The following DAB1 variants were observed in gnomAD, a reference collection of about 807,000 sequenced individuals.
DAB1 encodes disabled homolog 1.
In DAB1, 15 loss-of-function variants were observed where a neutral mutation model predicts 64.6. The ratio of observed to expected loss-of-function variants is 0.23; its 90% CI spans 0.16 to 0.36. The LOEUF (loss-of-function observed/expected upper bound fraction) is 0.36, where lower values mean the gene tolerates loss of function less well. DAB1 is among the 10% of genes least tolerant of loss of function. DAB1 has a pLI of 1.00. For missense variants in DAB1, 596 were observed against 706.7 expected, an observed-to-expected ratio of 0.84 and a Z score of 1.78; for synonymous variants, 235 against 251.9, an observed-to-expected ratio of 0.93 and a Z score of 0.64.
At chr1:57,222,155 A>G (rs1231483301) in intron 2 of DAB1, among the ~76,000 whole-genome samples, 1 of 152,186 alleles carries the variant, frequency 6.6e-6, no homozygotes, top group African/African-American at 2.4e-5. Flanking sequence ...GTCGAGAGGT[A>G]AAGAAACTTG....
Position 57,135,391 on chromosome 1 carries a change from A to G in DAB1, c.306+1152T>C, listed in dbSNP as rs139315146. 1.8e-3 allele frequency among the ~76,000 whole-genome samples: 269 copies of G among 152,324 alleles called. 1 individual carries two copies. Among genetic ancestry groups the G allele is most frequent in the Middle Eastern group, 0.01 (3 of 294 alleles). ...TTGTGCCTGGCTTAATTCACTCAGC[A>G]TAATGTCTTCAAGGCTCATACACAT... On this transcript the variant is annotated intron_variant, in intron 4 of 14. Coordinates refer to ENST00000371236, the MANE Select transcript of DAB1 (RefSeq NM_001365792.1).
At chr1:56,999,151 A>G (rs1275617439) in intron 14 of DAB1, among the ~76,000 whole-genome samples, 1 of 152,216 alleles carries the variant, frequency 6.6e-6, no homozygotes, top group Non-Finnish European at 1.5e-5. Context: ...TTCAAAATGA[A>G]TTGGCATTCT....
At chr1:57,615,117 G>A (rs981331053) in intron 7 of DAB1, among the ~76,000 whole-genome samples, 3 of 151,894 alleles carry the variant, frequency 2.0e-5, no homozygotes, top group Non-Finnish European at 2.9e-5. Context: ...TGATCCACCC[G>A]CCTCGGCCTC....
At chr1:58,061,765 A>G (rs1235269201) in intron 5 of DAB1, among the ~76,000 whole-genome samples, 2 of 141,742 alleles carry the variant, frequency 1.4e-5, no homozygotes, top group Non-Finnish European at 3.0e-5. Context: ...ATAAAGCTTT[A>G]GTATCCCCAT....
At chr1:57,659,579 T>G (rs986101754) in intron 6 of DAB1, among the ~76,000 whole-genome samples, 1 of 152,120 alleles carries the variant, frequency 6.6e-6, no homozygotes, top group African/African-American at 2.4e-5. Context: ...TTCCTCCCCT[T>G]CCCTGACCAG....
intron 3 of DAB1, chr1:58,481,110 A>G (rs748885045): frequency 1.1e-6 from 1 of 871,972 alleles, no homozygotes; most frequent in Non-Finnish European, 2.0e-6. Context: ...GCTGAGTTTG[A>G]ATAGTAATCG....
At chr1:57,831,509 A>G (rs1028835173) in intron 1 of DAB1, among the ~76,000 whole-genome samples, 3 of 151,058 alleles carry the variant, frequency 2.0e-5, no homozygotes, top group Non-Finnish European at 4.4e-5. Context: ...AGTTATATTA[A>G]CTAAATAATA....
chr1:57,668,669 C>T (rs943904717), intron 6 of DAB1, among the ~76,000 whole-genome samples: 12 of 152,036 alleles, frequency 7.9e-5, no homozygotes, highest in African/African-American at 2.9e-4. Flanking sequence ...TATAACATTG[C>T]CTCTTAACAA....
chr1:57,983,013 T>C (rs1198297854), intron 5 of DAB1, among the ~76,000 whole-genome samples: 1 of 152,228 alleles, frequency 6.6e-6, no homozygotes, highest in Admixed American at 6.5e-5. Flanking sequence ...ATTGTGGAGC[T>C]GGGTTGCAGC....
intron 3 of DAB1, among the ~76,000 whole-genome samples, chr1:58,362,851 T>C (rs1248702753): frequency 6.6e-6 from 1 of 152,208 alleles, no homozygotes; most frequent in African/African-American, 2.4e-5. Flanking sequence ...AACTACAATG[T>C]CTTAGCCAGC....
At chr1:58,021,477 C>T (rs1458346843) in intron 5 of DAB1, among the ~76,000 whole-genome samples, 1 of 152,084 alleles carries the variant, frequency 6.6e-6, no homozygotes, top group Non-Finnish European at 1.5e-5. Flanking sequence ...GGATAGAGCT[C>T]CAGATATTCC....
intron 3 of DAB1, among the ~76,000 whole-genome samples, chr1:58,392,222 A>C (rs1289162370): frequency 6.6e-6 from 1 of 152,176 alleles, no homozygotes; most frequent in East Asian, 1.9e-4. Flanking sequence ...TTTTACTACA[A>C]AAACCAAAAC....
intron 5 of DAB1, among the ~76,000 whole-genome samples, chr1:57,934,644 T>G (rs761594429): frequency 1.3e-4 from 20 of 152,148 alleles, no homozygotes; most frequent in Admixed American, 2.0e-4. Context: ...GAATTTTTCA[T>G]AGATAAAGCA....
intron 2 of DAB1, among the ~76,000 whole-genome samples, chr1:57,170,847 A>G (rs1569719919): frequency 6.6e-6 from 1 of 152,056 alleles, no homozygotes; most frequent in Non-Finnish European, 1.5e-5. Context: ...CTGCGTGGAG[A>G]TCACCCACAG....
intron 5 of DAB1, among the ~76,000 whole-genome samples, chr1:58,127,801 T>A (rs1452451692): frequency 6.6e-6 from 1 of 151,484 alleles, no homozygotes; most frequent in Non-Finnish European, 1.5e-5. Context: ...AGGGCTCTGT[T>A]CTGTTCCATT....
chr1:58,527,398 C>T, intron 1 of DAB1: 1 of 811,064 alleles, frequency 1.2e-6, no homozygotes, highest in Non-Finnish European at 2.2e-6. Flanking sequence ...AGGAGTAACA[C>T]AGAGAGATTT....
intron 4 of DAB1, among the ~76,000 whole-genome samples, chr1:57,091,243 T>C (rs932209611): frequency 1.1e-4 from 16 of 152,148 alleles, no homozygotes; most frequent in Admixed American, 9.8e-4. Context: ...TTCTAAAATA[T>C]TGATAAATTG....
At chr1:57,801,868 G>C (rs6656625) in intron 6 of DAB1, among the ~76,000 whole-genome samples, 22,268 of 152,038 alleles carry the variant, frequency 0.15, 1,835 homozygotes, top group East Asian at 0.25. Flanking sequence ...ATGTTGCCCA[G>C]ACTGGTCTCA....
At chr1:57,566,524 G>A (rs1035930009) in intron 7 of DAB1, among the ~76,000 whole-genome samples, 6 of 151,980 alleles carry the variant, frequency 3.9e-5, no homozygotes, top group African/African-American at 1.5e-4. Flanking sequence ...TCGATAGACC[G>A]CTAGCAAGAT....
Sources: allele counts gnomAD v4.1 joint callset (sites outside exome capture counted in the v4.1 genomes callset), GRCh38; gene constraint gnomAD v4.1.1; transcripts MANE v1.5; gene names NCBI Gene and HGNC (gene_info 2026-07-23, HGNC 2026-07-21).